Variants in LALBA observed in about 807,000 individuals in gnomAD.
The protein encoded by LALBA is alpha-lactalbumin.
A neutral mutation model predicts 13.4 loss-of-function variants in LALBA; 12 were observed. The observed-to-expected ratio is 0.89, with a 90% CI of 0.57 to 1.45. LALBA has a LOEUF of 1.45. Ranked by LOEUF, LALBA falls within the 40% of genes most tolerant of loss-of-function variation. The probability of loss-of-function intolerance (pLI) is 0.00; values close to 1 mark genes in which losing one functional copy is unlikely to be tolerated. For missense variants in LALBA, 145 were observed against 165.9 expected (o/e 0.87, Z 0.69); for synonymous variants, 64 against 61.0 (o/e 1.05, Z -0.23).
At chr12:48,570,413 G>A (rs1938619055), upstream of LALBA, among the ~76,000 whole-genome samples, 1 of 152,116 alleles carries the variant, frequency 6.6e-6, no homozygotes, top group South Asian at 2.1e-4. Flanking sequence ...ATACAATAAA[G>A]TTCTATACCG....
chr12:48,568,911 C>T (rs775009076), intron 2 of LALBA, among the ~76,000 whole-genome samples, 171 bp downstream of exon 2: 7 of 152,120 alleles, frequency 4.6e-5, no homozygotes, highest in Non-Finnish European at 1.0e-4. Flanking sequence ...GATTTGATGA[C>T]CATGAAAAAT....
chr12:48,568,010 G>A lies in LALBA; in HGVS notation c.376C>T (p.His126Tyr), dbSNP rs1443447269. The A allele has an allele frequency of 1.3e-6, 2 of 1,597,756 alleles. No individual in the cohort carries two copies. The highest frequency in any genetic ancestry group is 1.1e-5 in the South Asian group (1 of 87,588). ...AGCTTCTCAGTGCAGAGGGCTTTAT[G>A]GGCCAACCTGATAATGGAGAAGGGG... ...DIKGIDYWLA[H>Y]KALCTEKLEQ... Residue 126 changes from histidine to tyrosine, a missense_variant, in exon 4 of 4, where the codon CAT (histidine) becomes TAT (tyrosine). His to Tyr is a moderately conservative substitution (Grantham distance 83, BLOSUM62 2). Transcript: ENST00000301046.
At position 48,567,935 on chromosome 12, in the gene LALBA, G is replaced by C; in HGVS notation, c.*22C>G. The C allele has an allele frequency of 1.3e-6, 2 of 1,594,164 alleles. No individual in the cohort carries two copies. Among genetic ancestry groups the C allele is most frequent in the South Asian group, 1.1e-5 (1 of 87,784 alleles). ...TATTCCAGGAGTGTGGAGTGGGCAG[G>C]GGTGCCAAGGACAGCAGACACTCAC... On this transcript the variant is annotated 3_prime_UTR_variant, in exon 4 of 4. Coordinates refer to ENST00000301046, the MANE Select transcript of LALBA (RefSeq NM_002289.3).
chr12:48,569,550 C>G (rs1938607701), intron 1 of LALBA, among the ~76,000 whole-genome samples: 1 of 151,968 alleles, frequency 6.6e-6, no homozygotes, highest in African/African-American at 2.4e-5. Flanking sequence ...CCTGTCTCTA[C>G]AAAAAATACA....
intron 2 of LALBA, 38 bp downstream of exon 2, chr12:48,569,044 C>T (rs973902468): frequency 2.6e-6 from 4 of 1,552,704 alleles, no homozygotes; most frequent in Non-Finnish European, 3.5e-6. Flanking sequence ...GGGCAGGCCT[C>T]AGAAAAACAG....
intron 1 of LALBA, among the ~76,000 whole-genome samples, chr12:48,569,519 G>GC (rs752813150): frequency 2.0e-5 from 3 of 152,270 alleles, no homozygotes; most frequent in East Asian, 3.9e-4. Flanking sequence ...TTTGAGACCA[G>GC]CCTGGCCAAC....
In LALBA at chr12:48,569,895, C is replaced by CA; in HGVS notation, c.125dup (p.Leu42PhefsTer3). ...CAGAGGCAGGGAACTCACATTCAGG[C>CA]AAAGCGATGCCTCCATAACCATCTA... On this transcript the variant is annotated frameshift_variant, in exon 1 of 4. Transcript: ENST00000301046. LOFTEE classifies it high-confidence loss of function. 6.2e-7 allele frequency: 1 copy of CA among 1,613,816 alleles called. No homozygotes were observed. Among genetic ancestry groups the CA allele is most frequent in the Non-Finnish European group, 8.5e-7 (1 of 1,179,886 alleles).
At chr12:48,570,151 C>T, upstream of LALBA, 2 of 986,570 alleles carry the variant, frequency 2.0e-6, no homozygotes, top group Non-Finnish European at 3.0e-6. Context: ...ACTGGTCATG[C>T]CAAGACAGAA....
intron 1 of LALBA, 44 bp from the exon 2 acceptor site, chr12:48,569,284 T>C (rs1271592290): frequency 7.2e-6 from 11 of 1,517,998 alleles, no homozygotes; most frequent in Non-Finnish European, 9.0e-6. Flanking sequence ...ATGTACAGGA[T>C]CTGCATAAAG....
At chr12:48,569,750 A>G (rs1280204305) in intron 1 of LALBA, 138 bp downstream of exon 1, 5 of 758,694 alleles carry the variant, frequency 6.6e-6, no homozygotes, top group Non-Finnish European at 1.1e-5. Context: ...ACATACATGA[A>G]ATAAAAGAGT....
upstream of LALBA, among the ~76,000 whole-genome samples, chr12:48,571,531 C>T (rs1488769290): frequency 6.6e-6 from 1 of 151,780 alleles, no homozygotes; most frequent in African/African-American, 2.4e-5. Flanking sequence ...ACTACAGGCA[C>T]GTGTTACCAT....
chr12:48,569,121 C>A lies in LALBA; in HGVS notation c.253G>T (p.Val85Phe). 1 of 1,613,422 alleles carries A rather than the reference C, an allele frequency of 6.2e-7. No individual in the cohort carries two copies. The highest frequency in any genetic ancestry group is 8.5e-7 in the Non-Finnish European group (1 of 1,179,834). ...SNKLWCKSSQ[V>F]PQSRNICDIS... Reference sequence around the variant, plus strand: ...TCACAGATGTTCCTTGACTGAGGGACCTGGCTGCTCTTGCACCAAAGCTTA... The same window carrying A: ...TCACAGATGTTCCTTGACTGAGGGAACTGGCTGCTCTTGCACCAAAGCTTA... The change falls in exon 2 of 4, where the codon GTC (valine) becomes TTC (phenylalanine). Residue 85 changes from valine to phenylalanine, a missense_variant. By Grantham distance (50) the Val-to-Phe change is conservative (BLOSUM62 -1). Coordinates refer to ENST00000301046, the MANE Select transcript of LALBA (RefSeq NM_002289.3).
upstream of LALBA, among the ~76,000 whole-genome samples, chr12:48,571,569 G>A (rs138858004): frequency 6.6e-6 from 1 of 151,710 alleles, no homozygotes; most frequent in African/African-American, 2.4e-5. Flanking sequence ...ATTTTTAGTA[G>A]AGACGGAGTT....
chr12:48,571,167 G>A (rs1169940643), upstream of LALBA, among the ~76,000 whole-genome samples: 1 of 152,042 alleles, frequency 6.6e-6, no homozygotes, highest in African/African-American at 2.4e-5. Context: ...ACCCAAGCCA[G>A]TGGAAAGATT....
chr12:48,570,082 G>A (rs1451952211), upstream of LALBA: 2 of 1,587,420 alleles, frequency 1.3e-6, no homozygotes, highest in Non-Finnish European at 1.7e-6. Context: ...TTATATTCAT[G>A]CAGAAAGCCT....
chr12:48,569,644 C>T (rs192858546), intron 1 of LALBA, among the ~76,000 whole-genome samples: 12 of 151,946 alleles, frequency 7.9e-5, no homozygotes, highest in South Asian at 2.1e-4. Context: ...ACCGAGGAGG[C>T]GGAGGTTGCA....
intron 3 of LALBA, 129 bp downstream of exon 3, chr12:48,568,388 G>A (rs1254713100): frequency 1.2e-5 from 8 of 687,986 alleles, no homozygotes; most frequent in Non-Finnish European, 2.1e-5. Context: ...TGAGTCTCTA[G>A]GTAAGCTTTG....
upstream of LALBA, among the ~76,000 whole-genome samples, chr12:48,570,374 G>A (rs750196368): frequency 2.6e-5 from 4 of 152,090 alleles, no homozygotes; most frequent in Admixed American, 2.0e-4. Context: ...AGGGCATGGG[G>A]GCAATATAAG....
At chr12:48,569,009 G>T in intron 2 of LALBA, 73 bp downstream of exon 2, 3 of 1,310,218 alleles carry the variant, frequency 2.3e-6, no homozygotes, top group Non-Finnish European at 3.2e-6. Flanking sequence ...AGGTCTGCTT[G>T]GCACTAAAAA....
Sources: allele counts gnomAD v4.1 joint callset (sites outside exome capture counted in the v4.1 genomes callset), GRCh38; gene constraint gnomAD v4.1.1; transcripts MANE v1.5; gene names NCBI Gene and HGNC (gene_info 2026-07-23, HGNC 2026-07-21).